Variants in OTUD7B observed in about 807,000 individuals in gnomAD.
The protein encoded by OTUD7B is OTU deubiquitinase 7B, also known as OTU domain-containing protein 7B.
OTUD7B carries 34 observed loss-of-function variants against 82.2 expected under a neutral mutation model. The ratio of observed to expected loss-of-function variants is 0.41; its 90% CI spans 0.31 to 0.55. The LOEUF (loss-of-function observed/expected upper bound fraction) is 0.55, where lower values mean the gene tolerates loss of function less well. Among genes scored for constraint, OTUD7B ranks in the 20% least tolerant of loss-of-function variants. OTUD7B has a pLI of 0.20. For synonymous variants in OTUD7B, 398 were observed against 402.7 expected, an observed-to-expected ratio of 0.99 and a Z score of 0.14; for missense variants, 944 against 1,062.1, an observed-to-expected ratio of 0.89 and a Z score of 1.55.
the OTUD7B span, among the ~76,000 whole-genome samples, chr1:150,032,465 G>GGAAA: frequency 2.3e-5 from 2 of 85,768 alleles, no homozygotes; most frequent in Admixed American, 1.7e-4. Context: ...CCTGTCTACA[G>GGAAA]AAAAAAAAAA....
At chr1:150,026,749 AAG>A in the OTUD7B span, among the ~76,000 whole-genome samples, 1 of 152,168 alleles carries the variant, frequency 6.6e-6, no homozygotes, top group Non-Finnish European at 1.5e-5. Context: ...GTGAAAAGTG[AAG>A]AGAGAGAAAT....
intron 1 of OTUD7B, among the ~76,000 whole-genome samples, chr1:149,983,558 G>A (rs1382969726): frequency 6.6e-6 from 1 of 152,046 alleles, no homozygotes; most frequent in African/African-American, 2.4e-5. Flanking sequence ...GCAGCAATTG[G>A]AGAGACAAAT....
chr1:149,994,121 G>C lies in OTUD7B; in HGVS notation c.-67+16327C>G, dbSNP rs587751419. 3.9e-5 allele frequency among the ~76,000 whole-genome samples: 6 copies of C among 152,248 alleles called. No individual in the cohort carries two copies. In the South Asian group the frequency reaches 1.2e-3, roughly 32 times the overall value. On this transcript the variant is annotated intron_variant, in intron 1 of 11. Transcript: ENST00000581312. ...AAGAAACCAACCCTTCTAAGAGTGA[G>C]TCCTATCCCATTATTATTTTTAACA...
rs1042211574 is a variant in OTUD7B, at chr1:149,971,204, G to A, written c.133C>T (p.Arg45Cys). The change falls in exon 3 of 12, where the codon CGT (arginine) becomes TGT (cysteine). Residue 45 changes from arginine to cysteine, a missense_variant. Coordinates refer to ENST00000581312, the MANE Select transcript of OTUD7B (RefSeq NM_020205.4). Reference protein sequence around the residue: ...NAALSDFEQLRQVHAGNLPPS... With the variant: ...NAALSDFEQLCQVHAGNLPPS... ...GGTAGGTTTCCAGCATGGACTTGAC[G>A]TAGCTGTTCAAAATCACTGAGGGCG... The A allele has an allele frequency of 2.5e-6, 4 of 1,613,090 alleles. No homozygotes were observed. The highest frequency in any genetic ancestry group is 1.7e-4 in the Middle Eastern group (1 of 6,058).
At chr1:149,952,113 A>G (rs587717197) in intron 7 of OTUD7B, among the ~76,000 whole-genome samples, 11 of 152,140 alleles carry the variant, frequency 7.2e-5, no homozygotes, top group Admixed American at 3.9e-4. Flanking sequence ...GGTTTGTTAC[A>G]TAAGTATACA....
Position 149,973,720 on chromosome 1 carries a change from A to T in OTUD7B, c.86-2469T>A, listed in dbSNP as rs182459568. 6.6e-5 allele frequency among the ~76,000 whole-genome samples: 10 copies of T among 152,130 alleles called. No homozygotes were observed. In the South Asian group the frequency reaches 8.3e-4, roughly 13 times the overall value. On this transcript the variant is annotated intron_variant, in intron 2 of 11. Transcript: ENST00000581312. ...AGGCTAGTCTCGAACTCCTGACCTC[A>T]GGTGATCCACCTGCCTCGGCCTCCC...
intron 1 of OTUD7B, among the ~76,000 whole-genome samples, chr1:150,009,722 C>G (rs1305524516): frequency 6.6e-6 from 1 of 152,048 alleles, no homozygotes; most frequent in African/African-American, 2.4e-5. Flanking sequence ...CCTTGTGAGC[C>G]GACAAGCTAA....
rs1401768066 is a variant in OTUD7B at position 149,940,215 on chromosome 1, T to G, written c.*3642A>C. 5 of 126,098 alleles carry G rather than the reference T, an allele frequency of 4.0e-5. No homozygotes were observed. The highest frequency in any genetic ancestry group is 1.0e-4 in the African/African-American group (3 of 28,916). The allele number at this position is 126,098 out of a possible 1,614,324, so 7.8% of individuals were successfully genotyped here. On this transcript the variant is annotated 3_prime_UTR_variant, in exon 12 of 12. Coordinates refer to ENST00000581312, the MANE Select transcript of OTUD7B (RefSeq NM_020205.4). ...TTTGTCTGTGGGCCTTAGTTTCGCT[T>G]GATAGAAAAAAAAAAACTGAGCTAA...
At chr1:150,004,555 A>T (rs1444742536) in intron 1 of OTUD7B, among the ~76,000 whole-genome samples, 1 of 151,766 alleles carries the variant, frequency 6.6e-6, no homozygotes, top group Non-Finnish European at 1.5e-5. Context: ...ACAGAGCAAG[A>T]CCCTGTCTCA....
At chr1:150,053,911 T>A in the OTUD7B span, 1 of 450,942 alleles carries the variant, frequency 2.2e-6, no homozygotes. Context: ...AGAAGAAACC[T>A]GAAGTCAAGA....
chr1:150,054,917 A>C, the OTUD7B span: 6 of 274,944 alleles, frequency 2.2e-5, no homozygotes, highest in Non-Finnish European at 4.4e-5. Flanking sequence ...AAGATTGATC[A>C]AAAAGCTGTG....
In OTUD7B at chr1:149,940,570, T is replaced by A. The variant is rs1307275738; in HGVS notation, c.*3287A>T. On this transcript the variant is annotated 3_prime_UTR_variant, in exon 12 of 12. Coordinates refer to ENST00000581312, the MANE Select transcript of OTUD7B (RefSeq NM_020205.4). ...AAAATCTCCCCTCTCCATTAAAAACTTCAGTAGGTACCCCAGTTGCCCTGG... is the reference window on the plus strand; with the variant it reads ...AAAATCTCCCCTCTCCATTAAAAACATCAGTAGGTACCCCAGTTGCCCTGG... 6.6e-6 allele frequency: 1 copy of A among 152,008 alleles called. No individual in the cohort carries two copies. The highest frequency in any genetic ancestry group is 2.4e-5 in the African/African-American group (1 of 41,370). 9.4% of individuals were successfully genotyped at this position (152,008 alleles called of 1,614,324 possible). A position where few individuals can be genotyped will look rare whatever the true frequency, so the allele number is the denominator to read the frequency against.
intron 1 of OTUD7B, among the ~76,000 whole-genome samples, chr1:150,004,967 A>C (rs1405473808): frequency 6.6e-6 from 1 of 152,012 alleles, no homozygotes; most frequent in African/African-American, 2.4e-5. Flanking sequence ...GGTTCAAGTG[A>C]TTCTCCTGCC....
chr1:149,955,199 C>A (rs587619951), intron 7 of OTUD7B, among the ~76,000 whole-genome samples: 3 of 152,212 alleles, frequency 2.0e-5, no homozygotes, highest in South Asian at 2.1e-4. Flanking sequence ...ATTTCCCTCT[C>A]CACACTGCTT....
At chr1:149,968,388 T>C (rs1553777057) in intron 3 of OTUD7B, among the ~76,000 whole-genome samples, 1 of 152,170 alleles carries the variant, frequency 6.6e-6, no homozygotes, top group African/African-American at 2.4e-5. Flanking sequence ...ATCAGAAATT[T>C]ATAGGGACAG....
chr1:149,948,500 T>G (rs1158881086), intron 10 of OTUD7B, among the ~76,000 whole-genome samples: 1 of 151,406 alleles, frequency 6.6e-6, no homozygotes, highest in Non-Finnish European at 1.5e-5. Flanking sequence ...GCCTCCCTAG[T>G]AGTTGGGATT....
chr1:149,988,022 G>A (rs1412051431), intron 1 of OTUD7B, among the ~76,000 whole-genome samples: 1 of 151,946 alleles, frequency 6.6e-6, no homozygotes, highest in Non-Finnish European at 1.5e-5. Context: ...ACTCATTCCA[G>A]GTTCAAAGAT....
At chr1:149,972,864 C>G (rs1200269562) in intron 2 of OTUD7B, among the ~76,000 whole-genome samples, 1 of 152,208 alleles carries the variant, frequency 6.6e-6, no homozygotes, top group African/African-American at 2.4e-5. Flanking sequence ...TCCTAACAAT[C>G]CACATGGCCA....
At chr1:150,011,343 T>G (rs149876440), upstream of OTUD7B, among the ~76,000 whole-genome samples, 64 of 152,352 alleles carry the variant, frequency 4.2e-4, no homozygotes, top group African/African-American at 1.4e-3. Flanking sequence ...TGTTATGTCT[T>G]TTAAAACATT....
Sources: gnomAD v4.1 joint callset for allele counts (sites outside exome capture counted in the v4.1 genomes callset) on GRCh38, gnomAD v4.1.1 for gene constraint, MANE v1.5 for transcripts, NCBI Gene and HGNC (gene_info 2026-07-23, HGNC 2026-07-21) for gene names.